Variants in OPRM1 observed in about 807,000 individuals in gnomAD.
The protein encoded by OPRM1 is mu-type opioid receptor.
In OPRM1, 27 loss-of-function variants were observed where a neutral mutation model predicts 31.8. The ratio of observed to expected loss-of-function variants is 0.85; its 90% CI spans 0.63 to 1.17. OPRM1 has a LOEUF of 1.17. OPRM1 is among the 50% of genes most tolerant of loss of function. The probability of loss-of-function intolerance (pLI) is 0.00; values close to 1 mark genes in which losing one functional copy is unlikely to be tolerated. For synonymous variants in OPRM1, 196 were observed against 189.9 expected, an observed-to-expected ratio of 1.03 and a Z score of -0.26; for missense variants, 536 against 511.1, an observed-to-expected ratio of 1.05 and a Z score of -0.47.
At chr6:154,174,648 A>G (rs1031079302) in intron 3 of OPRM1, among the ~76,000 whole-genome samples, 3 of 152,216 alleles carry the variant, frequency 2.0e-5, no homozygotes, top group Non-Finnish European at 4.4e-5. Context: ...TGCACCCAAT[A>G]CAGGAGCACC....
intron 3 of OPRM1, chr6:154,107,828 T>A: frequency 1.4e-6 from 1 of 717,440 alleles, no homozygotes; most frequent in East Asian, 2.7e-5. Flanking sequence ...AAGCCCGTGT[T>A]TTATCCTGAA....
At chr6:154,117,004 C>A in intron 3 of OPRM1, among the ~76,000 whole-genome samples, 1 of 152,212 alleles carries the variant, frequency 6.6e-6, no homozygotes, top group South Asian at 2.1e-4. Flanking sequence ...ATGTTCTCTC[C>A]ATCCTCCACC....
chr6:154,195,368 C>T (rs904456320), intron 3 of OPRM1, among the ~76,000 whole-genome samples: 1 of 152,010 alleles, frequency 6.6e-6, no homozygotes, highest in Non-Finnish European at 1.5e-5. Flanking sequence ...AGGATGGTCT[C>T]GATCTCCTGA....
chr6:154,160,062 G>A (rs1467338912), intron 3 of OPRM1: 1 of 1,569,360 alleles, frequency 6.4e-7, no homozygotes, highest in Non-Finnish European at 8.7e-7. Context: ...GAAAAAAAGG[G>A]GAAGGGGGTA....
intron 3 of OPRM1, among the ~76,000 whole-genome samples, chr6:154,225,705 G>A (rs1349289837): frequency 6.6e-6 from 1 of 152,206 alleles, no homozygotes; most frequent in Admixed American, 6.5e-5. Context: ...TGTATTAAAT[G>A]CCACTGAACT....
chr6:154,234,607 C>A (rs539265665), intron 3 of OPRM1, among the ~76,000 whole-genome samples: 23 of 152,282 alleles, frequency 1.5e-4, no homozygotes, highest in African/African-American at 5.5e-4. Flanking sequence ...TATCACATTA[C>A]GTCATATTTA....
intron 1 of OPRM1, among the ~76,000 whole-genome samples, chr6:154,027,849 C>T (rs929284434): frequency 6.6e-6 from 1 of 152,196 alleles, no homozygotes; most frequent in Non-Finnish European, 1.5e-5. Flanking sequence ...ATGAGTGCTA[C>T]CTTGCCTGGG....
At chr6:154,159,624 C>T in intron 3 of OPRM1, 1 of 574,002 alleles carries the variant, frequency 1.7e-6, no homozygotes. Context: ...TCAATCATTC[C>T]AATCTCAATG....
chr6:154,141,447 G>A (rs1401530545), intron 3 of OPRM1, among the ~76,000 whole-genome samples: 1 of 152,182 alleles, frequency 6.6e-6, no homozygotes, highest in African/African-American at 2.4e-5. Context: ...CAGCCCTGTG[G>A]TCTGAAGTCG....
At chr6:154,162,364 G>C (rs142824272) in intron 3 of OPRM1, among the ~76,000 whole-genome samples, 154 of 152,308 alleles carry the variant, frequency 1.0e-3, no homozygotes, top group African/African-American at 3.7e-3. Context: ...GGCCCATTCT[G>C]CATAGATTCA....
chr6:154,077,667 G>T lies in OPRM1; in HGVS notation c.291-12159G>T, dbSNP rs943048318. ...AATCATTTGAACCTGCGAGGCGGAG[G>T]TTGCAGTGACCCGAGCTAGCACCAC... On this transcript the variant is annotated intron_variant, in intron 1 of 3. Transcript: ENST00000330432. Among the ~76,000 whole-genome samples, 4 of 151,748 alleles carry T rather than the reference G, an allele frequency of 2.6e-5. No homozygotes were observed. In the South Asian group the frequency reaches 8.3e-4, roughly 32 times the overall value.
chr6:154,054,390 AG>A (rs200253534), intron 1 of OPRM1, among the ~76,000 whole-genome samples: 1 of 138,156 alleles, frequency 7.2e-6, no homozygotes, highest in African/African-American at 2.6e-5. Flanking sequence ...AAAAAAAAAA[AG>A]GAAACCCGCC....
rs923589337 is a variant in OPRM1, at chr6:154,107,519, T to C, written c.1165-11164T>C. The C allele has an allele frequency of 3.2e-5, 23 of 718,494 alleles. No individual in the cohort carries two copies. In the African/African-American group the frequency reaches 3.7e-4, roughly 11 times the overall value. 44.5% of individuals were successfully genotyped at this position (718,494 alleles called of 1,614,324 possible). A position where few individuals can be genotyped will look rare whatever the true frequency, so the allele number is the denominator to read the frequency against. On this transcript the variant is annotated intron_variant, in intron 3 of 3. Coordinates refer to ENST00000330432, the MANE Select transcript of OPRM1 (RefSeq NM_000914.5). ...AAATGCAAAGCCTTGGCCACTGAGC[T>C]ACAATGCAGGGCAGTCTCCATTTCC... is the stretch of plus-strand genomic sequence containing the variant.
intron 1 of OPRM1, among the ~76,000 whole-genome samples, chr6:154,041,402 G>A (rs181665351): frequency 6.6e-6 from 1 of 152,088 alleles, no homozygotes; most frequent in Admixed American, 6.5e-5. Flanking sequence ...GTTTAATTTT[G>A]CAGTTATGAC....
At chr6:154,241,430 C>G (rs1487619354) in intron 3 of OPRM1, among the ~76,000 whole-genome samples, 2 of 151,954 alleles carry the variant, frequency 1.3e-5, no homozygotes, top group Admixed American at 6.6e-5. Flanking sequence ...CTAAAATACA[C>G]CAAAAAAGTA....
chr6:154,173,262 C>CCTCCAAAGGAACACAA (rs1456861524), intron 3 of OPRM1, among the ~76,000 whole-genome samples: 5 of 152,152 alleles, frequency 3.3e-5, no homozygotes, highest in Non-Finnish European at 7.3e-5. Flanking sequence ...CACCTCTTCT[C>CCTCCAAAGGAACACAA]CTCCAAAGGA....
intron 3 of OPRM1, among the ~76,000 whole-genome samples, chr6:154,165,355 A>G (rs1799342719): frequency 6.6e-6 from 1 of 152,192 alleles, no homozygotes. Flanking sequence ...TTTTAAAAAC[A>G]ATTAGAAATA....
At chr6:154,090,631 A>T (rs888260277) in intron 2 of OPRM1, among the ~76,000 whole-genome samples, 1 of 152,208 alleles carries the variant, frequency 6.6e-6, no homozygotes, top group Non-Finnish European at 1.5e-5. Context: ...GAGACTTTGG[A>T]CAATTATTAC....
At chr6:154,062,308 A>T (rs1031402041) in intron 1 of OPRM1, among the ~76,000 whole-genome samples, 2 of 152,178 alleles carry the variant, frequency 1.3e-5, no homozygotes, top group African/African-American at 4.8e-5. Flanking sequence ...GAATTTTCCT[A>T]TTAAAAGAAT....
Sources: allele counts gnomAD v4.1 joint callset (sites outside exome capture counted in the v4.1 genomes callset), GRCh38; gene constraint gnomAD v4.1.1; transcripts MANE v1.5; gene names NCBI Gene and HGNC (gene_info 2026-07-23, HGNC 2026-07-21).